The following RBFOX1 variants were observed in gnomAD, a reference collection of about 807,000 sequenced individuals.
The protein encoded by RBFOX1 is RNA binding fox-1 homolog 1, also known as RNA binding protein fox-1 homolog 1.
A neutral mutation model predicts 57.7 loss-of-function variants in RBFOX1; 8 were observed. That is an observed-to-expected ratio of 0.14 (90% confidence interval 0.08 to 0.25). The LOEUF (loss-of-function observed/expected upper bound fraction) is 0.25. Ranked by LOEUF, RBFOX1 falls within the 10% of genes least tolerant of loss-of-function variation. The pLI, the probability that RBFOX1 is intolerant of heterozygous loss-of-function variation, is 1.00. For synonymous variants in RBFOX1, 326 were observed against 222.4 expected (o/e 1.47, Z -4.15); for missense variants, 611 against 548.5 (o/e 1.11, Z -1.14).
chr16:6,461,968 G>T (rs995475120), intron 2 of RBFOX1, among the ~76,000 whole-genome samples: 6 of 152,118 alleles, frequency 3.9e-5, no homozygotes, highest in South Asian at 2.1e-4. Context: ...CTTGTATGTT[G>T]AATGTTTCAC....
At chr16:7,355,610 C>T (rs7202500) in intron 4 of RBFOX1, among the ~76,000 whole-genome samples, 13,943 of 152,218 alleles carry the variant, frequency 0.092, 730 homozygotes, top group African/African-American at 0.15. Context: ...TTTTGGCCAT[C>T]TCCCCATGTC....
At chr16:6,159,590 A>G (rs1410376068) in intron 1 of RBFOX1, among the ~76,000 whole-genome samples, 1 of 152,146 alleles carries the variant, frequency 6.6e-6, no homozygotes, top group Non-Finnish European at 1.5e-5. Context: ...GAATGGAGGA[A>G]AGTTTGCCTT....
chr16:7,129,237 T>C (rs1016547757), intron 4 of RBFOX1, among the ~76,000 whole-genome samples: 3 of 152,142 alleles, frequency 2.0e-5, no homozygotes, highest in African/African-American at 7.2e-5. Context: ...TTTTATTGAT[T>C]CGGCTTGGAT....
At chr16:7,641,701 A>G (rs2062827651) in intron 11 of RBFOX1, among the ~76,000 whole-genome samples, 1 of 152,026 alleles carries the variant, frequency 6.6e-6, no homozygotes, top group Non-Finnish European at 1.5e-5. Context: ...GTTTTACAGC[A>G]TTTTTCTTGA....
rs994811521 is a variant in RBFOX1, at chr16:5,946,690, G to C, written c.351+79355G>C. The stretch of plus-strand genomic sequence containing the variant: ...TATGAGAATCTCTGATTTATAACCA[G>C]ATGGTGAGAAGGGAAGTACAGGCTT... On this transcript the variant is annotated intron_variant, in intron 4 of 19. Coordinates refer to the RBFOX1 transcript ENST00000641259. The surrounding 1 kb of genome is among the most constrained non-coding windows in gnomAD (Gnocchi z 4.6). Among the ~76,000 whole-genome samples the C allele has an allele frequency of 6.6e-6, 1 of 152,198 alleles. No homozygotes were observed. Among genetic ancestry groups the C allele is most frequent in the South Asian group, 2.1e-4 (1 of 4,824 alleles).
chr16:6,084,493 C>T (rs2096057640), intron 1 of RBFOX1, among the ~76,000 whole-genome samples: 1 of 152,140 alleles, frequency 6.6e-6, no homozygotes, highest in South Asian at 2.1e-4. Flanking sequence ...ATTCCTCAGC[C>T]TCTGCCTCCC....
chr16:6,832,657 C>T (rs952936815), intron 3 of RBFOX1, among the ~76,000 whole-genome samples: 1 of 152,142 alleles, frequency 6.6e-6, no homozygotes, highest in Non-Finnish European at 1.5e-5. Flanking sequence ...CATGCCTGTG[C>T]ACTTCAGTAA....
Position 6,699,330 on chromosome 16 carries a change from G to A in RBFOX1, c.-16+44680G>A, listed in dbSNP as rs117796331. On this transcript the variant is annotated intron_variant, in intron 3 of 15. Coordinates refer to ENST00000550418, the MANE Select transcript of RBFOX1 (RefSeq NM_018723.4). ...TTTTTTTTTTTAAAGTGACTTTCAG[G>A]ATCAGTGACTAAAATAAGGTTCTCT... Among the ~76,000 whole-genome samples, 1,368 of 150,104 alleles carry A rather than the reference G, an allele frequency of 9.1e-3. 58 individuals are homozygous for A. In the East Asian group the frequency reaches 0.14, roughly 15 times the overall value.
intron 3 of RBFOX1, among the ~76,000 whole-genome samples, chr16:6,723,361 T>C (rs762479489): frequency 4.6e-5 from 7 of 152,156 alleles, no homozygotes; most frequent in Non-Finnish European, 8.8e-5. Flanking sequence ...ACATTGAGTA[T>C]AGCATGCAAC....
At chr16:6,506,029 C>T (rs1329824161) in intron 2 of RBFOX1, among the ~76,000 whole-genome samples, 1 of 152,028 alleles carries the variant, frequency 6.6e-6, no homozygotes, top group East Asian at 1.9e-4. Context: ...GGATAGGTGA[C>T]CTAAAGGAAA....
At chr16:5,452,880 G>A (rs1229927957) in intron 1 of RBFOX1, among the ~76,000 whole-genome samples, 2 of 151,682 alleles carry the variant, frequency 1.3e-5, no homozygotes, top group Non-Finnish European at 2.9e-5. Context: ...TGATCCACCT[G>A]CTCGGCTTCC....
intron 3 of RBFOX1, among the ~76,000 whole-genome samples, chr16:6,903,406 C>G (rs537249633): frequency 6.6e-6 from 1 of 152,186 alleles, no homozygotes; most frequent in South Asian, 2.1e-4. Context: ...GTTCTGCGCT[C>G]CAATTAAAAT....
chr16:6,178,495 T>G (rs1164625720), intron 1 of RBFOX1, among the ~76,000 whole-genome samples: 7 of 152,182 alleles, frequency 4.6e-5, no homozygotes, highest in Non-Finnish European at 8.8e-5. Context: ...TGCCCATATC[T>G]GTAGACTCAG....
intron 5 of RBFOX1, among the ~76,000 whole-genome samples, chr16:7,575,656 C>T (rs2093264491): frequency 6.6e-6 from 1 of 152,178 alleles, no homozygotes; most frequent in African/African-American, 2.4e-5. Flanking sequence ...TTTCTGTCCT[C>T]TACAACTACA....
intron 1 of RBFOX1, among the ~76,000 whole-genome samples, chr16:5,406,194 C>G (rs1440210143): frequency 6.6e-6 from 1 of 152,126 alleles, no homozygotes; most frequent in African/African-American, 2.4e-5. Context: ...GCCCAGATAG[C>G]TAGTTAAATA....
chr16:5,449,947 A>G (rs1260705630), intron 1 of RBFOX1, among the ~76,000 whole-genome samples: 2 of 152,174 alleles, frequency 1.3e-5, no homozygotes, highest in Non-Finnish European at 2.9e-5. Flanking sequence ...AATTTACTGA[A>G]GCTATGCAGA....
At chr16:6,989,921 A>C (rs1382037866) in intron 3 of RBFOX1, among the ~76,000 whole-genome samples, 1 of 152,116 alleles carries the variant, frequency 6.6e-6, no homozygotes, top group East Asian at 1.9e-4. Flanking sequence ...GAATTGCTTG[A>C]ATTCAGGAGG....
intron 1 of RBFOX1, among the ~76,000 whole-genome samples, chr16:6,263,223 G>C (rs1360771460): frequency 6.6e-6 from 1 of 152,162 alleles, no homozygotes; most frequent in Non-Finnish European, 1.5e-5. Context: ...GCTTCCCCAG[G>C]AATTTTGTTT....
chr16:7,141,639 T>G (rs1468280864), intron 4 of RBFOX1, among the ~76,000 whole-genome samples: 3 of 152,350 alleles, frequency 2.0e-5, no homozygotes, highest in Non-Finnish European at 4.4e-5. Flanking sequence ...ATTTGTAGTT[T>G]GGATGAGTTA....
Sources: allele counts gnomAD v4.1 joint callset (sites outside exome capture counted in the v4.1 genomes callset), GRCh38; gene constraint gnomAD v4.1.1; non-coding constraint Gnocchi (gnomAD v3.1); transcripts MANE v1.5; gene names NCBI Gene and HGNC (gene_info 2026-07-23, HGNC 2026-07-21).